The following C14orf39 variants were observed in gnomAD, a reference collection of about 807,000 sequenced individuals.
C14orf39 encodes the protein chromosome 14 open reading frame 39.
Under a neutral mutation model 85.6 loss-of-function variants are expected in C14orf39, and 66 were observed. That is an observed-to-expected ratio of 0.77 (90% CI 0.63 to 0.95). The LOEUF is 0.95. C14orf39 is among the 40% of genes least tolerant of loss of function. The probability of loss-of-function intolerance (pLI) is 0.00; values close to 1 mark genes in which losing one functional copy is unlikely to be tolerated. For synonymous variants in C14orf39, 242 were observed against 214.0 expected (o/e 1.13, Z -1.14); for missense variants, 735 against 663.9 (o/e 1.11, Z -1.18).
At chr14:60,495,164 G>T in intron 2 of C14orf39, 1 of 197,728 alleles carries the variant, frequency 5.1e-6, no homozygotes. Context: ...GTGTGGGCAC[G>T]GTAATGCATT....
chr14:60,495,646 C>A, intron 2 of C14orf39: 1 of 195,762 alleles, frequency 5.1e-6, no homozygotes, highest in Non-Finnish European at 1.1e-5. Flanking sequence ...TGAAAGCACA[C>A]CTTGGATTAC....
At chr14:60,466,430 A>G (rs1453276483) in intron 10 of C14orf39, among the ~76,000 whole-genome samples, 2 of 151,604 alleles carry the variant, frequency 1.3e-5, no homozygotes. Flanking sequence ...ACCATTATGT[A>G]ATGGTAAATG....
chr14:60,483,274 T>C (rs900330842), intron 4 of C14orf39, among the ~76,000 whole-genome samples: 6 of 152,210 alleles, frequency 3.9e-5, no homozygotes, highest in Admixed American at 2.0e-4. Flanking sequence ...TTTCAAAATG[T>C]CTAGAGTTAA....
intron 2 of C14orf39, among the ~76,000 whole-genome samples, chr14:60,497,157 C>T (rs895096770): frequency 6.6e-6 from 1 of 152,302 alleles, no homozygotes; most frequent in Middle Eastern, 3.4e-3. Context: ...ATTGTACTTG[C>T]TGGCTCCTCT....
intron 13 of C14orf39, among the ~76,000 whole-genome samples, chr14:60,458,983 C>T (rs975791221): frequency 2.6e-5 from 4 of 151,622 alleles, no homozygotes; most frequent in Admixed American, 1.3e-4. Flanking sequence ...ACATCATGAG[C>T]ACTCTAAAAG....
chr14:60,450,490 G>C (rs1890981645), intron 16 of C14orf39, among the ~76,000 whole-genome samples: 1 of 152,210 alleles, frequency 6.6e-6, no homozygotes, highest in Non-Finnish European at 1.5e-5. Context: ...TGCCAGCTTA[G>C]CCACAGTAGA....
At chr14:60,466,776 T>G (rs1484998485) in intron 10 of C14orf39, 141 bp downstream of exon 10, 1 of 479,898 alleles carries the variant, frequency 2.1e-6, no homozygotes, top group Admixed American at 4.8e-5. Context: ...TCAGAAAGAT[T>G]CAAAGCAGTA....
At chr14:60,505,726 A>T (rs1893194350) in intron 1 of C14orf39, among the ~76,000 whole-genome samples, 1 of 152,244 alleles carries the variant, frequency 6.6e-6, no homozygotes, top group South Asian at 2.1e-4. Context: ...AAAAACAAAA[A>T]CACAACATTT....
At chr14:60,493,206 T>G (rs1234776570) in intron 2 of C14orf39, among the ~76,000 whole-genome samples, 1 of 152,238 alleles carries the variant, frequency 6.6e-6, no homozygotes, top group African/African-American at 2.4e-5. Flanking sequence ...TAAGCCCATA[T>G]GAGGGTATTC....
chr14:60,511,681 A>G (rs1893296823), intron 1 of C14orf39: 1 of 262,908 alleles, frequency 3.8e-6, no homozygotes, highest in South Asian at 4.5e-5. Context: ...TATTTAAGAG[A>G]CCGCCATGGT....
intron 5 of C14orf39, among the ~76,000 whole-genome samples, chr14:60,476,108 A>G (rs947475327): frequency 3.9e-5 from 6 of 152,212 alleles, no homozygotes; most frequent in Non-Finnish European, 8.8e-5. Flanking sequence ...AAAGCAGTTG[A>G]GCCCCAAACA....
chr14:60,509,835 G>T (rs764482008), intron 1 of C14orf39: 1 of 1,613,860 alleles, frequency 6.2e-7, no homozygotes, highest in Non-Finnish European at 8.5e-7. Flanking sequence ...CTACGCGAGT[G>T]GTACCTGCAG....
chr14:60,476,948 C>A (rs187261271), intron 5 of C14orf39, among the ~76,000 whole-genome samples: 1 of 152,098 alleles, frequency 6.6e-6, no homozygotes, highest in African/African-American at 2.4e-5. Context: ...AAGCTTAATT[C>A]GTGCCTATAT....
chr14:60,492,495 C>CCGGCG (rs1893004636), intron 2 of C14orf39, among the ~76,000 whole-genome samples: 1 of 151,864 alleles, frequency 6.6e-6, no homozygotes, highest in African/African-American at 2.4e-5. Flanking sequence ...AAGTACGGGC[C>CCGGCG]CGGCGCAATG....
chr14:60,514,054 G>A (rs1163654542), intron 1 of C14orf39, among the ~76,000 whole-genome samples: 1 of 152,208 alleles, frequency 6.6e-6, no homozygotes, highest in African/African-American at 2.4e-5. Flanking sequence ...TCTGTAATGT[G>A]ATGGCACCTA....
chr14:60,449,445 G>C (rs987944912), intron 16 of C14orf39, among the ~76,000 whole-genome samples: 1 of 151,920 alleles, frequency 6.6e-6, no homozygotes, highest in Non-Finnish European at 1.5e-5. Context: ...TAAAATCTTT[G>C]GTTTCAAGAT....
intron 13 of C14orf39, among the ~76,000 whole-genome samples, chr14:60,460,760 T>TG (rs973694351): frequency 5.3e-5 from 8 of 151,764 alleles, no homozygotes; most frequent in Non-Finnish European, 1.0e-4. Context: ...CTAGATGACT[T>TG]GGGGATGATA....
At chr14:60,503,888 A>G (rs998844627) in intron 1 of C14orf39, among the ~76,000 whole-genome samples, 7 of 152,206 alleles carry the variant, frequency 4.6e-5, no homozygotes, top group African/African-American at 1.7e-4. Context: ...ACAATAAACC[A>G]AATTTTAGCA....
At chr14:60,460,002 T>C (rs1170986412) in intron 13 of C14orf39, among the ~76,000 whole-genome samples, 1 of 151,760 alleles carries the variant, frequency 6.6e-6, no homozygotes, top group African/African-American at 2.4e-5. Context: ...TTTTTAATGC[T>C]TGAGAAATCC....
Sources: gnomAD v4.1 joint callset for allele counts (sites outside exome capture counted in the v4.1 genomes callset) on GRCh38, gnomAD v4.1.1 for gene constraint, MANE v1.5 for transcripts, NCBI Gene and HGNC (gene_info 2026-07-23, HGNC 2026-07-21) for gene names.